The following DYSF variants were observed in gnomAD, a reference collection of about 807,000 sequenced individuals.
The protein encoded by DYSF is dysferlin.
In DYSF, 212 loss-of-function variants were observed where a neutral mutation model predicts 274.9. That is an observed-to-expected ratio of 0.77 (90% CI 0.69 to 0.86). The LOEUF (loss-of-function observed/expected upper bound fraction) is 0.86. Ranked by LOEUF, DYSF falls within the 40% of genes least tolerant of loss-of-function variation. The probability of loss-of-function intolerance (pLI) is 0.00; values close to 1 mark genes in which losing one functional copy is unlikely to be tolerated. For synonymous variants in DYSF, 1,091 were observed against 1,078.7 expected (o/e 1.01, Z -0.22); for missense variants, 2,666 against 2,783.2 (o/e 0.96, Z 0.95).
chr2:71,501,788 T>C (rs928346116), intron 3 of DYSF, among the ~76,000 whole-genome samples: 2 of 152,222 alleles, frequency 1.3e-5, no homozygotes, highest in East Asian at 1.9e-4. Flanking sequence ...CACATCTTGT[T>C]TGTGCCTCTG....
chr2:71,667,370 G>T lies in DYSF; in HGVS notation c.5318-6G>T, dbSNP rs2152953906. Reference sequence around the variant, plus strand: ...CTGCAACTTTTTTGTCTTCTCTCTGGGGCAGAGGCTGGCAGGATCCCAAAC... The same window carrying T: ...CTGCAACTTTTTTGTCTTCTCTCTGTGGCAGAGGCTGGCAGGATCCCAAAC... On this transcript the variant is annotated splice_polypyrimidine_tract_variant and splice_region_variant and intron_variant, in intron 47 of 55. Coordinates refer to ENST00000410020, the MANE Select transcript of DYSF (RefSeq NM_001130987.2). 6.2e-7 allele frequency: 1 copy of T among 1,614,038 alleles called. No individual in the cohort carries two copies. The highest frequency in any genetic ancestry group is 8.5e-7 in the Non-Finnish European group (1 of 1,180,018).
At chr2:71,536,028 G>C (rs928331161) in intron 16 of DYSF, among the ~76,000 whole-genome samples, 4 of 152,312 alleles carry the variant, frequency 2.6e-5, no homozygotes, top group Non-Finnish European at 4.4e-5. Flanking sequence ...GGCCAGGCTT[G>C]AACCCAAGCC....
At chr2:71,504,486 G>A (rs933614867) in intron 4 of DYSF, among the ~76,000 whole-genome samples, 16 of 152,208 alleles carry the variant, frequency 1.1e-4, no homozygotes, top group Admixed American at 3.9e-4. Context: ...CTCATCCTCC[G>A]TTTCAGCCTC....
chr2:71,516,310 G>A (rs1037798456), intron 9 of DYSF, 68 bp downstream of exon 9: 22 of 1,446,718 alleles, frequency 1.5e-5, no homozygotes, highest in South Asian at 1.3e-4. Context: ...GTGCACACGC[G>A]TGTGTGTTTG....
chr2:71,663,869 G>A (rs886631924), intron 45 of DYSF, among the ~76,000 whole-genome samples: 2 of 152,034 alleles, frequency 1.3e-5, no homozygotes, highest in East Asian at 1.9e-4. Context: ...CCAATTTACC[G>A]GGAGTCCTCC....
chr2:71,513,651 C>G, intron 6 of DYSF, 65 bp from the exon 7 acceptor site: 1 of 1,568,786 alleles, frequency 6.4e-7, no homozygotes, highest in Middle Eastern at 2.1e-4. Context: ...TGGGCTGGGT[C>G]CCAGGGGCAG....
intron 17 of DYSF, among the ~76,000 whole-genome samples, chr2:71,541,086 T>G (rs2089887039): frequency 6.6e-6 from 1 of 152,220 alleles, no homozygotes; most frequent in South Asian, 2.1e-4. Flanking sequence ...TTATCTTCAA[T>G]TGGTATGTCT....
chr2:71,525,966 C>T (rs954734424), intron 12 of DYSF, among the ~76,000 whole-genome samples: 1 of 152,168 alleles, frequency 6.6e-6, no homozygotes, highest in African/African-American at 2.4e-5. Flanking sequence ...GTGCCACGTG[C>T]ATTTACATCA....
At chr2:71,660,488 C>A in intron 44 of DYSF, 72 bp from the exon 45 acceptor site, 1 of 1,321,524 alleles carries the variant, frequency 7.6e-7, no homozygotes, top group Non-Finnish European at 1.1e-6. Flanking sequence ...CATCCAGAGG[C>A]AAGGCACTCA....
At chr2:71,470,971 T>G (rs2081995841) in intron 1 of DYSF, among the ~76,000 whole-genome samples, 1 of 152,010 alleles carries the variant, frequency 6.6e-6, no homozygotes. Context: ...TTTATTTTTA[T>G]TTTTAGTAGA....
intron 29 of DYSF, among the ~76,000 whole-genome samples, chr2:71,573,507 A>G (rs985215395): frequency 3.9e-5 from 6 of 152,042 alleles, no homozygotes; most frequent in Non-Finnish European, 8.8e-5. Context: ...CAGGAAAGGG[A>G]CCCCATGAAC....
chr2:71,601,602 G>C lies in DYSF; in HGVS notation c.3927+74G>C, dbSNP rs1398715677. 1.9e-6 allele frequency: 3 copies of C among 1,600,548 alleles called. No individual in the cohort carries two copies. In the East Asian group the frequency reaches 6.7e-5, roughly 36 times the overall value. On this transcript the variant is annotated intron_variant, in intron 35 of 55. Coordinates refer to ENST00000410020, the MANE Select transcript of DYSF (RefSeq NM_001130987.2). ...CTGTGTTTGGCATCTCTCTGGGTTA[G>C]GAAGGGTGGCCAGGCATTACCGCGA...
intron 23 of DYSF, among the ~76,000 whole-genome samples, 182 bp downstream of exon 23, chr2:71,562,126 G>A (rs900210621): frequency 6.6e-6 from 1 of 152,140 alleles, no homozygotes; most frequent in South Asian, 2.1e-4. Context: ...GAAGAGAGAG[G>A]GTACGATGGA....
intron 45 of DYSF, among the ~76,000 whole-genome samples, chr2:71,661,116 CAAA>C (rs55761719): frequency 9.3e-5 from 8 of 85,890 alleles, no homozygotes; most frequent in Non-Finnish European, 1.6e-4. Flanking sequence ...AACCCTGTCT[CAAA>C]AAAAAAAAAA....
intron 36 of DYSF, 147 bp from the exon 37 acceptor site, chr2:71,611,098 G>A: frequency 1.4e-6 from 1 of 722,428 alleles, no homozygotes; most frequent in South Asian, 1.5e-5. Flanking sequence ...TTTCGTTTCT[G>A]CCTCCCTGTT....
At chr2:71,575,818 G>A (rs954806408) in intron 30 of DYSF, among the ~76,000 whole-genome samples, 2 of 147,922 alleles carry the variant, frequency 1.4e-5, no homozygotes, top group Non-Finnish European at 3.0e-5. Flanking sequence ...GAACCCGAGA[G>A]GTGAAGCAGG....
At chr2:71,626,870 G>C (rs2094215998) in intron 41 of DYSF, among the ~76,000 whole-genome samples, 1 of 151,750 alleles carries the variant, frequency 6.6e-6, no homozygotes, top group South Asian at 2.1e-4. Flanking sequence ...TAGGACCTTT[G>C]AGATTTTCTG....
At chr2:71,484,510 T>G (rs2083209951) in intron 3 of DYSF, among the ~76,000 whole-genome samples, 1 of 152,244 alleles carries the variant, frequency 6.6e-6, no homozygotes, top group African/African-American at 2.4e-5. Flanking sequence ...ATTTCTTGTG[T>G]TAGCAACATT....
chr2:71,627,211 A>G (rs2094222594), intron 41 of DYSF, among the ~76,000 whole-genome samples: 3 of 151,580 alleles, frequency 2.0e-5, no homozygotes, highest in Non-Finnish European at 4.4e-5. Flanking sequence ...TTTAACCTCT[A>G]TGTAAACATT....
Sources: gnomAD v4.1 joint callset for allele counts (sites outside exome capture counted in the v4.1 genomes callset) on GRCh38, gnomAD v4.1.1 for gene constraint, MANE v1.5 for transcripts, NCBI Gene and HGNC (gene_info 2026-07-23, HGNC 2026-07-21) for gene names.